Variants in ASB11 observed in about 807,000 individuals in gnomAD.
ASB11 encodes the protein ankyrin repeat and SOCS box containing 11.
ASB11 carries 17 observed loss-of-function variants against 20.1 expected under a neutral mutation model. The observed-to-expected ratio is 0.85, with a 90% CI of 0.58 to 1.27. ASB11 has a LOEUF of 1.27. Among genes scored for constraint, ASB11 ranks in the 50% most tolerant of loss-of-function variants. The probability of loss-of-function intolerance (pLI) is 0.00; values close to 1 mark genes in which losing one functional copy is unlikely to be tolerated. For missense variants in ASB11, 259 were observed against 256.9 expected (o/e 1.01, Z -0.06); for synonymous variants, 107 against 105.6 (o/e 1.01, Z -0.08).
chrX:15,301,056 A>G (rs920203056), intron 2 of ASB11, among the ~76,000 whole-genome samples: 1 of 111,275 alleles, frequency 9.0e-6, no homozygotes. Flanking sequence ...CCACCCCGCC[A>G]GGTTCAAACG....
chrX:15,309,021 A>T (rs758239487), intron 1 of ASB11, among the ~76,000 whole-genome samples: 7 of 111,352 alleles, frequency 6.3e-5, no homozygotes, highest in Non-Finnish European at 1.3e-4. Context: ...GGTTCAAGAG[A>T]TTCTCTGGCC....
chrX:15,300,327 T>C (rs1218352572), intron 2 of ASB11, among the ~76,000 whole-genome samples: 1 of 112,229 alleles, frequency 8.9e-6, no homozygotes, highest in Non-Finnish European at 1.9e-5. Flanking sequence ...CAGCCAGCAG[T>C]GTAACCAAGA....
chrX:15,292,114 G>A (rs749468210), intron 4 of ASB11: 7 of 110,223 alleles, frequency 6.4e-5, no homozygotes, highest in African/African-American at 1.3e-4. Flanking sequence ...GGACTTACAT[G>A]ATGTTTGGGA....
intron 2 of ASB11, 125 bp from the exon 3 acceptor site, chrX:15,297,806 G>T: frequency 1.7e-6 from 1 of 585,447 alleles, no homozygotes; most frequent in Non-Finnish European, 2.8e-6. Flanking sequence ...GAGTAGCTGG[G>T]ATTTCAAGTG....
intron 6 of ASB11, among the ~76,000 whole-genome samples, chrX:15,284,088 T>C (rs756254546): frequency 4.3e-4 from 45 of 105,589 alleles, no homozygotes; most frequent in African/African-American, 1.2e-3. Flanking sequence ...CCGTGTCCAC[T>C]AAAAATACAA....
intron 3 of ASB11, among the ~76,000 whole-genome samples, 167 bp downstream of exon 3, chrX:15,297,407 G>T (rs1396816129): frequency 8.9e-6 from 1 of 112,048 alleles, no homozygotes; most frequent in Non-Finnish European, 1.9e-5. Context: ...ACACACAGGG[G>T]GGTAAGTTGA....
At chrX:15,299,586 T>C (rs182678519) in intron 2 of ASB11, among the ~76,000 whole-genome samples, 1 of 111,248 alleles carries the variant, frequency 9.0e-6, no homozygotes, top group Non-Finnish European at 1.9e-5. Context: ...ATTCTGGTCA[T>C]CTTTTCCTGA....
intron 2 of ASB11, among the ~76,000 whole-genome samples, chrX:15,301,114 C>A (rs1921050768): frequency 9.0e-6 from 1 of 110,939 alleles, no homozygotes; most frequent in African/African-American, 3.3e-5. Context: ...AGGCGCCCAC[C>A]ACCACGCCTG....
intron 1 of ASB11, 65 bp from the exon 2 acceptor site, chrX:15,302,872 C>G: frequency 1.0e-6 from 1 of 997,662 alleles, no homozygotes; most frequent in Non-Finnish European, 1.4e-6. Context: ...GTCCATGCTG[C>G]CCACCCACTG....
At chrX:15,306,288 A>G (rs1404124476) in intron 1 of ASB11, among the ~76,000 whole-genome samples, 1 of 112,588 alleles carries the variant, frequency 8.9e-6, no homozygotes, top group Non-Finnish European at 1.9e-5. Context: ...GTATATACCC[A>G]GTAATGGGAT....
chrX:15,293,893 G>T (rs1387927045), intron 3 of ASB11, among the ~76,000 whole-genome samples: 4 of 84,940 alleles, frequency 4.7e-5, no homozygotes, highest in African/African-American at 1.7e-4. Flanking sequence ...TTGTGGGGTG[G>T]GGGGAGGGGG....
Position 15,289,601 on chromosome X carries a change from A to G in ASB11, c.558T>C (p.Asn186=). ...RECMEILLAN[N]VNIDHEVPQL... ...GAGGCACCTCATGGTCAATGTTAAC[A>G]TTATTTGCCAGCAGGATCTCCATGC... is the stretch of plus-strand genomic sequence containing the variant. The change falls in exon 5 of 7, where the codon AAT becomes AAC. Residue 186 remains asparagine, a synonymous_variant. Transcript: ENST00000480796. 1.7e-6 allele frequency: 2 copies of G among 1,210,772 alleles called. No homozygotes were observed. Among genetic ancestry groups the G allele is most frequent in the Non-Finnish European group, 2.2e-6 (2 of 894,631 alleles).
At chrX:15,287,219 A>G (rs1057481779) in intron 6 of ASB11, among the ~76,000 whole-genome samples, 5 of 112,994 alleles carry the variant, frequency 4.4e-5, no homozygotes, top group Admixed American at 2.8e-4. Context: ...TGAATTTGCC[A>G]TCAGATTGTC....
At chrX:15,302,595 G>A in intron 2 of ASB11, 133 bp downstream of exon 2, 1 of 558,012 alleles carries the variant, frequency 1.8e-6, no homozygotes, top group Non-Finnish European at 2.9e-6. Flanking sequence ...AGGTATGAGA[G>A]GACATACGTG....
In ASB11 at chrX:15,293,195, C is replaced by T. The variant is rs144384274; in HGVS notation, c.495G>A (p.Ser165=). Residue 165 remains serine (S), a synonymous_variant, in exon 4 of 7, where the codon TCG becomes TCA. Coordinates refer to ENST00000480796, the MANE Select transcript of ASB11 (RefSeq NM_080873.3). ...AKAQLEVHLA[S]PIHEAVKRGH... ...CTCTCTTCACTGCCTCATGGATGGG[C>T]GAGGCCAGGTGCACCTCCAACTGGG... 1.4e-4 allele frequency: 168 copies of T among 1,209,079 alleles called. No individual in the cohort carries two copies. Among genetic ancestry groups the T allele is most frequent in the Non-Finnish European group, 1.8e-4 (163 of 894,886 alleles).
chrX:15,287,174 T>C (rs898041721), intron 6 of ASB11, among the ~76,000 whole-genome samples: 3 of 112,168 alleles, frequency 2.7e-5, no homozygotes, highest in African/African-American at 9.7e-5. Flanking sequence ...TGAAATACTC[T>C]GTGTCCTCCC....
intron 6 of ASB11, among the ~76,000 whole-genome samples, chrX:15,283,995 G>A (rs908527765): frequency 9.0e-6 from 1 of 111,020 alleles, no homozygotes; most frequent in Non-Finnish European, 1.9e-5. Context: ...GCTCACGCCT[G>A]TAATCCCAGC....
chrX:15,306,659 C>T lies in ASB11; in HGVS notation c.182-3852G>A, dbSNP rs182913314. 1.1e-4 allele frequency among the ~76,000 whole-genome samples: 12 copies of T among 110,929 alleles called. No individual in the cohort carries two copies. The East Asian group carries it at 3.1e-3, about 28-fold the overall frequency. ...TGGAGGCTGCAGTGAGCCAAGATCA[C>T]GCCATTGCACTCCAGCTTGGGTGAC... On this transcript the variant is annotated intron_variant, in intron 1 of 6. Transcript: ENST00000480796.
intron 3 of ASB11, among the ~76,000 whole-genome samples, chrX:15,296,293 T>G (rs1380320725): frequency 1.9e-5 from 2 of 107,900 alleles, no homozygotes; most frequent in Non-Finnish European, 3.8e-5. Context: ...AAAAAGAAAA[T>G]GCACGACCAC....
Sources: gnomAD v4.1 joint callset for allele counts (sites outside exome capture counted in the v4.1 genomes callset) on GRCh38, gnomAD v4.1.1 for gene constraint, MANE v1.5 for transcripts, NCBI Gene and HGNC (gene_info 2026-07-23, HGNC 2026-07-21) for gene names.